TENM3: variants seen among roughly 807,000 people sequenced by gnomAD.
TENM3 encodes teneurin transmembrane protein 3.
A neutral mutation model predicts 255.1 loss-of-function variants in TENM3; 63 were observed. The observed-to-expected ratio is 0.25, with a 90% CI of 0.20 to 0.30. The LOEUF is 0.30. Among genes scored for constraint, TENM3 ranks in the 10% least tolerant of loss-of-function variants. The pLI is 1.00. For missense variants in TENM3, 2,929 were observed against 3,461.1 expected, an observed-to-expected ratio of 0.85 and a Z score of 3.86; for synonymous variants, 1,306 against 1,322.3, an observed-to-expected ratio of 0.99 and a Z score of 0.27.
At chr4:182,716,416 A>G (rs62337075) in intron 13 of TENM3, among the ~76,000 whole-genome samples, 13,929 of 152,218 alleles carry the variant, frequency 0.092, 790 homozygotes, top group Middle Eastern at 0.12. Flanking sequence ...GCATGAAACT[A>G]TGCTATCTCT....
chr4:181,879,318 G>A, the TENM3 span, among the ~76,000 whole-genome samples: 1 of 151,932 alleles, frequency 6.6e-6, no homozygotes, highest in African/African-American at 2.4e-5. Flanking sequence ...GAGGGAGGAA[G>A]GAAGGAAGAT....
At chr4:182,661,748 T>A (rs1581243848) in intron 6 of TENM3, among the ~76,000 whole-genome samples, 1 of 152,176 alleles carries the variant, frequency 6.6e-6, no homozygotes, top group East Asian at 1.9e-4. Context: ...TGTCTACAAA[T>A]GCCCAACCTT....
chr4:181,801,561 T>C, the TENM3 span, among the ~76,000 whole-genome samples: 104 of 151,458 alleles, frequency 6.9e-4, no homozygotes, highest in South Asian at 1.3e-3. Context: ...TAAGCATTCG[T>C]ATAAATCTGG....
chr4:182,065,237 G>A, the TENM3 span, among the ~76,000 whole-genome samples: 2 of 152,206 alleles, frequency 1.3e-5, no homozygotes, highest in East Asian at 3.9e-4. Context: ...CTTTCACCAT[G>A]TTGGCCAGGC....
chr4:182,275,516 C>A (rs1759939763), intron 1 of TENM3, among the ~76,000 whole-genome samples: 1 of 152,054 alleles, frequency 6.6e-6, no homozygotes, highest in Non-Finnish European at 1.5e-5. Flanking sequence ...GTGTTCTAGG[C>A]CCTGGGAATA....
intron 3 of TENM3, among the ~76,000 whole-genome samples, chr4:182,406,884 G>C (rs961259739): frequency 3.3e-5 from 5 of 152,188 alleles, no homozygotes; most frequent in Admixed American, 1.3e-4. Flanking sequence ...TTCATGTCCT[G>C]TTCATAAGAA....
At chr4:181,801,667 T>C in the TENM3 span, among the ~76,000 whole-genome samples, 32 of 32,732 alleles carry the variant, frequency 9.8e-4, no homozygotes, top group African/African-American at 2.4e-3. Flanking sequence ...TATATATATA[T>C]ATATATATAT....
chr4:182,391,608 T>C (rs537186128), intron 3 of TENM3, among the ~76,000 whole-genome samples: 1 of 152,366 alleles, frequency 6.6e-6, no homozygotes, highest in African/African-American at 2.4e-5. Flanking sequence ...GCAGATTCAA[T>C]AAATGTAATG....
the TENM3 span, among the ~76,000 whole-genome samples, chr4:182,023,567 T>C: frequency 6.6e-6 from 1 of 152,278 alleles, no homozygotes; most frequent in Admixed American, 6.5e-5. Flanking sequence ...CCCCTCCTGG[T>C]TTATGACAGC....
chr4:181,883,513 C>T, the TENM3 span, among the ~76,000 whole-genome samples: 862 of 152,272 alleles, frequency 5.7e-3, 2 homozygotes, highest in African/African-American at 0.02. Flanking sequence ...CTCTGTCTGT[C>T]GCCCAGGCTG....
intron 3 of TENM3, among the ~76,000 whole-genome samples, chr4:182,388,977 A>C (rs1167985988): frequency 6.6e-6 from 1 of 152,204 alleles, no homozygotes; most frequent in Non-Finnish European, 1.5e-5. Context: ...CAGTGTTATT[A>C]AATCTAGTCC....
intron 1 of TENM3, among the ~76,000 whole-genome samples, chr4:182,288,660 G>A (rs75262307): frequency 0.021 from 3,254 of 152,242 alleles, 52 homozygotes; most frequent in Non-Finnish European, 0.03. Flanking sequence ...CATGTTTTAG[G>A]TGAAGAAGTT....
chr4:182,377,896 C>T (rs1767285001), intron 3 of TENM3, among the ~76,000 whole-genome samples: 1 of 152,084 alleles, frequency 6.6e-6, no homozygotes, highest in Non-Finnish European at 1.5e-5. Context: ...CATAGAGAAG[C>T]AAATCTCTGT....
At chr4:181,475,059 G>A in the TENM3 span, among the ~76,000 whole-genome samples, 1 of 152,164 alleles carries the variant, frequency 6.6e-6, no homozygotes, top group Non-Finnish European at 1.5e-5. Context: ...TATTTTATAA[G>A]ACAATATAAT....
chr4:182,178,828 T>G lies in TENM3; in HGVS notation c.-76+34074T>G, dbSNP rs564947269. 1.2e-3 allele frequency among the ~76,000 whole-genome samples: 187 copies of G among 152,360 alleles called. 1 individual carries two copies. The highest frequency in any genetic ancestry group is 1.8e-3 in the Non-Finnish European group (125 of 68,034). On this transcript the variant is annotated intron_variant, in intron 1 of 2. Coordinates refer to the TENM3 transcript ENST00000512480. ...AAGTGTTTTCTAGTTAATGTTTGTA[T>G]ATCAGCTTCTTAAACAGGTGATGCA... is the stretch of plus-strand genomic sequence containing the variant.
At chr4:181,886,995 C>T in the TENM3 span, among the ~76,000 whole-genome samples, 2 of 152,130 alleles carry the variant, frequency 1.3e-5, no homozygotes, top group Non-Finnish European at 1.5e-5. Flanking sequence ...GCTACCTTGA[C>T]GAAACTTGGC....
intron 4 of TENM3, among the ~76,000 whole-genome samples, chr4:182,624,073 G>A (rs751055196): frequency 2.6e-5 from 4 of 152,118 alleles, no homozygotes; most frequent in African/African-American, 9.7e-5. Context: ...TTGGATATAC[G>A]CCGTGGTCTC....
the TENM3 span, among the ~76,000 whole-genome samples, chr4:182,100,798 C>T: frequency 0.17 from 2,175 of 12,532 alleles, 497 homozygotes; most frequent in East Asian, 0.33. Flanking sequence ...TATATATACA[C>T]ATATATATAC....
chr4:182,661,366 A>G (rs1216002133), intron 6 of TENM3, among the ~76,000 whole-genome samples: 6 of 151,914 alleles, frequency 3.9e-5, no homozygotes, highest in Non-Finnish European at 1.5e-5. Flanking sequence ...ATCATCGTGT[A>G]TCAACTTTCT....
Sources: gnomAD v4.1 joint callset for allele counts (sites outside exome capture counted in the v4.1 genomes callset) on GRCh38, gnomAD v4.1.1 for gene constraint, MANE v1.5 for transcripts, NCBI Gene and HGNC (gene_info 2026-07-23, HGNC 2026-07-21) for gene names.